Variants in PACS2 observed in about 807,000 individuals in gnomAD.
PACS2 encodes the protein PACS1-like protein.
Under a neutral mutation model 113.0 loss-of-function variants are expected in PACS2, and 36 were observed. That is an observed-to-expected ratio of 0.32 (90% CI 0.24 to 0.42). The LOEUF is 0.42. PACS2 is among the 10% of genes least tolerant of loss of function. The pLI is 1.00. For synonymous variants in PACS2, 589 were observed against 536.1 expected (o/e 1.10, Z -1.36); for missense variants, 1,015 against 1,239.5 (o/e 0.82, Z 2.72).
chr14:105,394,649 G>A lies in PACS2; in HGVS notation c.2692G>A (p.Gly898Arg), dbSNP rs368316410. The A allele has an allele frequency of 4.5e-5, 73 of 1,612,844 alleles. No homozygotes were observed. The highest frequency in any genetic ancestry group is 5.8e-5 in the Non-Finnish European group (68 of 1,179,590). The change falls in exon 25 of 25, where the codon GGA becomes AGA. Residue 898 changes from glycine (G) to arginine (R), a missense_variant. By Grantham distance (125) the Gly-to-Arg change is moderately radical (BLOSUM62 -2). Transcript: ENST00000447393. The part of the protein sequence containing the change: ...HVKHFPICIF[G>R]HSKATF ...GAAGCACTTCCCCATCTGCATCTTC[G>A]GACACTCCAAGGCCACCTTCTAGCC... is the stretch of plus-strand genomic sequence containing the variant.
At chr14:105,349,742 G>A (rs781877665) in intron 2 of PACS2, among the ~76,000 whole-genome samples, 6 of 152,290 alleles carry the variant, frequency 3.9e-5, no homozygotes, top group Non-Finnish European at 8.8e-5. Context: ...CATCTGCGGC[G>A]TGTGCTGGTG....
In PACS2 at chr14:105,366,872, G is replaced by A. The variant is rs1415998808; in HGVS notation, c.424-341G>A. ...TCGTGCCTGAGATCAGGAGGGCCGC[G>A]GACACCCCTGTCTGTCCATCTCAGT... On this transcript the variant is annotated intron_variant, in intron 4 of 24. Transcript: ENST00000447393. The surrounding 1 kb of genome is among the most constrained non-coding windows in gnomAD (Gnocchi z 4.3). Among the ~76,000 whole-genome samples, 2 of 152,266 alleles carry A rather than the reference G, an allele frequency of 1.3e-5. No individual in the cohort carries two copies. The highest frequency in any genetic ancestry group is 2.1e-4 in the South Asian group (1 of 4,824).
At chr14:105,375,950 C>CA in intron 8 of PACS2, among the ~76,000 whole-genome samples, 1 of 152,298 alleles carries the variant, frequency 6.6e-6, no homozygotes, top group Admixed American at 6.5e-5. Context: ...TTAGTTGACT[C>CA]ACAGTTCAGC....
Position 105,366,313 on chromosome 14 carries a change from A to C in PACS2, c.424-900A>C, listed in dbSNP as rs2060939405. Among the ~76,000 whole-genome samples, 1 of 152,256 alleles carries C rather than the reference A, an allele frequency of 6.6e-6. No homozygotes were observed. The highest frequency in any genetic ancestry group is 1.5e-5 in the Non-Finnish European group (1 of 68,044). ...CAGTGAGCCAAGATCGCACCATTGC[A>C]CACCAGCCTGGGCCACAGAATGAGA... On this transcript the variant is annotated intron_variant, in intron 4 of 24. Transcript: ENST00000447393. This position sits in a 1 kb window ranked among gnomAD's most constrained non-coding sequence, Gnocchi z 4.3.
intron 1 of PACS2, among the ~76,000 whole-genome samples, chr14:105,342,627 A>G (rs2059776407): frequency 6.6e-6 from 1 of 152,004 alleles, no homozygotes; most frequent in Admixed American, 6.5e-5. Flanking sequence ...TAATAAAACA[A>G]AAACTTTGCA....
intron 1 of PACS2, among the ~76,000 whole-genome samples, chr14:105,307,386 T>C (rs1313893895): frequency 6.6e-6 from 1 of 152,136 alleles, no homozygotes; most frequent in Non-Finnish European, 1.5e-5. Flanking sequence ...CTAATTCTGC[T>C]CAGCTTGCCT....
chr14:105,367,415 G>C, intron 5 of PACS2, 40 bp downstream of exon 5: 1 of 1,593,808 alleles, frequency 6.3e-7, no homozygotes, highest in Admixed American at 1.7e-5. Context: ...CTGCTGTGGG[G>C]AGGCCCTGCC....
At chr14:105,311,622 C>G (rs979795458), upstream of PACS2, among the ~76,000 whole-genome samples, 5 of 152,148 alleles carry the variant, frequency 3.3e-5, no homozygotes, top group Admixed American at 3.3e-4. Flanking sequence ...TCTATCATGG[C>G]TCACCTAACC....
chr14:105,341,228 T>G (rs1468522799), intron 1 of PACS2, among the ~76,000 whole-genome samples: 1 of 152,252 alleles, frequency 6.6e-6, no homozygotes, highest in African/African-American at 2.4e-5. Flanking sequence ...GAACTTTTCC[T>G]GTATGCCTCT....
rs782609794 is a variant in PACS2, at chr14:105,381,019, C to G, written c.1188C>G (p.Ser396=). The G allele has an allele frequency of 1.3e-5, 21 of 1,612,478 alleles. No individual in the cohort carries two copies. The highest frequency in any genetic ancestry group is 1.8e-5 in the Non-Finnish European group (21 of 1,179,646). The change falls in exon 12 of 25, where the codon TCC becomes TCG. Residue 396 remains serine, a synonymous_variant. Transcript: ENST00000447393. ...AGGACAGCCCCGAGGCTGAGGCCTC[C>G]ACCCTGGATGTGTTCACGGAGAGGC... is the stretch of plus-strand genomic sequence containing the variant. ...QPEDSPEAEA[S]TLDVFTERLP... is the part of the protein sequence containing the mutation.
At chr14:105,382,172 C>T (rs953242188) in intron 13 of PACS2, 114 bp downstream of exon 13, 16 of 1,204,888 alleles carry the variant, frequency 1.3e-5, no homozygotes, top group Non-Finnish European at 1.8e-5. Flanking sequence ...GGCCACAGAG[C>T]ATGCCTGGGC....
intron 3 of PACS2, 69 bp downstream of exon 3, chr14:105,352,536 C>T: frequency 1.1e-6 from 1 of 886,376 alleles, no homozygotes. Flanking sequence ...CCCCTCATCA[C>T]TGTCCCCTGG....
Position 105,381,923 on chromosome 14 carries a change from G to C in PACS2, c.1278G>C (p.Gly426=), listed in dbSNP as rs1555412126. Reference sequence around the variant, plus strand: ...TCCTGGTCCCCAATAGGTCCGAGGGGAAGCAGGCTGGCCGACGGGGCCGGA... The same window carrying C: ...TCCTGGTCCCCAATAGGTCCGAGGGCAAGCAGGCTGGCCGACGGGGCCGGA... ...SLVIPSTRSE[G]KQAGRRGRST... is the part of the protein sequence containing the mutation. The change falls in exon 13 of 25, where the codon GGG becomes GGC. Residue 426 remains glycine (G), a synonymous_variant. Transcript: ENST00000447393. 6.4e-7 allele frequency: 1 copy of C among 1,551,368 alleles called. No individual in the cohort carries two copies. Among genetic ancestry groups the C allele is most frequent in the Admixed American group, 2.0e-5 (1 of 51,066 alleles).
intron 20 of PACS2, chr14:105,390,214 C>T (rs1449866726): frequency 1.3e-5 from 8 of 614,020 alleles, no homozygotes; most frequent in Non-Finnish European, 2.1e-5. Context: ...TTCCCCTTAG[C>T]TCTGCCTTGG....
At chr14:105,382,698 C>G (rs2081035891) in intron 14 of PACS2, 109 bp from the exon 15 acceptor site, 2 of 939,888 alleles carry the variant, frequency 2.1e-6, no homozygotes, top group East Asian at 2.5e-5. Context: ...TGTGGTTTGC[C>G]TGGACGTGCC....
chr14:105,384,823 C>G, intron 17 of PACS2, 56 bp from the exon 18 acceptor site: 1 of 1,192,974 alleles, frequency 8.4e-7, no homozygotes, highest in Non-Finnish European at 1.2e-6. Flanking sequence ...AGCTTAGCCC[C>G]GCCTGCAACC....
intron 1 of PACS2, among the ~76,000 whole-genome samples, chr14:105,316,217 G>A (rs2058618974): frequency 6.6e-6 from 1 of 151,472 alleles, no homozygotes; most frequent in South Asian, 2.1e-4. Flanking sequence ...GGGGCCTCCC[G>A]AAGGACCCAG....
chr14:105,368,327 G>A (rs1022658670), intron 6 of PACS2, 132 bp from the exon 7 acceptor site: 16 of 834,882 alleles, frequency 1.9e-5, no homozygotes, highest in Non-Finnish European at 3.0e-5. Context: ...ATGCTCAGGT[G>A]GCTCTGAGAG....
chr14:105,383,602 T>G, intron 16 of PACS2, 89 bp downstream of exon 16: 2 of 1,319,586 alleles, frequency 1.5e-6, no homozygotes, highest in Non-Finnish European at 2.1e-6. Flanking sequence ...GCGTGGCGTG[T>G]TGTGTGGCGT....
Sources: gnomAD v4.1 joint callset for allele counts (sites outside exome capture counted in the v4.1 genomes callset) on GRCh38, gnomAD v4.1.1 for gene constraint, Gnocchi (gnomAD v3.1) non-coding constraint, MANE v1.5 for transcripts, NCBI Gene and HGNC (gene_info 2026-07-23, HGNC 2026-07-21) for gene names.